Variants in NCEH1 observed in about 807,000 individuals in gnomAD.
NCEH1 encodes 2-acetyl MAGE hydrolase.
In NCEH1, 9 loss-of-function variants were observed where a neutral mutation model predicts 25.4. The observed-to-expected ratio is 0.35, with a 90% CI of 0.21 to 0.62. NCEH1 has a LOEUF of 0.62. Among genes scored for constraint, NCEH1 ranks in the 20% least tolerant of loss-of-function variants. The pLI, the probability that NCEH1 is intolerant of heterozygous loss-of-function variation, is 0.72. For missense variants in NCEH1, 412 were observed against 501.1 expected (o/e 0.82, Z 1.70); for synonymous variants, 200 against 199.8 (o/e 1.00, Z -0.01).
At chr3:172,693,318 AT>A (rs1713170173) in intron 1 of NCEH1, among the ~76,000 whole-genome samples, 1 of 152,234 alleles carries the variant, frequency 6.6e-6, no homozygotes, top group Admixed American at 6.5e-5. Flanking sequence ...TTCAACATCT[AT>A]AAAAAGACCC....
intron 1 of NCEH1, among the ~76,000 whole-genome samples, chr3:172,652,414 T>C (rs1243388719): frequency 6.6e-6 from 1 of 152,218 alleles, no homozygotes; most frequent in Non-Finnish European, 1.5e-5. Flanking sequence ...CAGGACAAAC[T>C]GTAAGGATCA....
intron 1 of NCEH1, chr3:172,681,265 A>C (rs1336766208): frequency 7.2e-5 from 11 of 152,128 alleles, no homozygotes; most frequent in Admixed American, 7.2e-4. Flanking sequence ...GAAGAAAACA[A>C]AGAACTAAAG....
intron 3 of NCEH1, among the ~76,000 whole-genome samples, chr3:172,641,480 G>A (rs749632410): frequency 5.9e-5 from 9 of 152,074 alleles, no homozygotes; most frequent in Non-Finnish European, 1.0e-4. Context: ...TGGAACCCCT[G>A]CCCACCAGCT....
chr3:172,630,980 AT>A lies in NCEH1; in HGVS notation c.*2494del, dbSNP rs1289567465. ...CAGACAATTTTACAAAAAGATTATCATTTTTTTCATAAAATAGGAAAAGAAA... is the reference window on the plus strand; with the variant it reads ...CAGACAATTTTACAAAAAGATTATCATTTTTTCATAAAATAGGAAAAGAAA... On this transcript the variant is annotated 3_prime_UTR_variant, in exon 5 of 5. Coordinates refer to ENST00000475381, the MANE Select transcript of NCEH1 (RefSeq NM_020792.6). 1 of 152,006 alleles carries A rather than the reference AT, an allele frequency of 6.6e-6. No homozygotes were observed. 9.4% of individuals were successfully genotyped at this position (152,006 alleles called of 1,614,324 possible). A position where few individuals can be genotyped will look rare whatever the true frequency, so the allele number is the denominator to read the frequency against.
intron 1 of NCEH1, among the ~76,000 whole-genome samples, chr3:172,705,052 C>T (rs935915393): frequency 5.3e-5 from 8 of 152,122 alleles, no homozygotes; most frequent in Non-Finnish European, 8.8e-5. Context: ...AAAAGAAATT[C>T]GATTTTTCTC....
At chr3:172,693,670 A>G (rs1713200223) in intron 1 of NCEH1, among the ~76,000 whole-genome samples, 1 of 152,224 alleles carries the variant, frequency 6.6e-6, no homozygotes, top group Non-Finnish European at 1.5e-5. Flanking sequence ...TGTAGACGTA[A>G]CCAATAATAC....
chr3:172,676,277 G>A (rs1711989659), intron 1 of NCEH1, among the ~76,000 whole-genome samples: 1 of 152,118 alleles, frequency 6.6e-6, no homozygotes, highest in African/African-American at 2.4e-5. Flanking sequence ...CCGCTTGAAG[G>A]GCCGGGCCAG....
intron 4 of NCEH1, among the ~76,000 whole-genome samples, chr3:172,635,214 T>C (rs234015): frequency 0.38 from 57,964 of 152,072 alleles, 11,017 homozygotes; most frequent in Non-Finnish European, 0.4. Context: ...ATCAAGTTCT[T>C]GAATTATAGC....
At chr3:172,697,905 CTAT>C (rs1389342599) in intron 1 of NCEH1, among the ~76,000 whole-genome samples, 1 of 150,422 alleles carries the variant, frequency 6.6e-6, no homozygotes, top group Non-Finnish European at 1.5e-5. Context: ...GCAAATGCAT[CTAT>C]TATTATGCAG....
Position 172,648,123 on chromosome 3 carries a change from C to T in NCEH1, c.139-9G>A, listed in dbSNP as rs767091713. ...TAGTGGATCAGGTTACTCTGCAGGG[C>T]GAGGGAGGAAATAAAGAGGGAGGGC... On this transcript the variant is annotated splice_polypyrimidine_tract_variant and intron_variant, in intron 1 of 4. Transcript: ENST00000475381. 17 of 1,613,464 alleles carry T rather than the reference C, an allele frequency of 1.1e-5. No homozygotes were observed. The highest frequency in any genetic ancestry group is 4.5e-5 in the East Asian group (2 of 44,878).
At chr3:172,658,108 T>C (rs1717786929) in intron 1 of NCEH1, among the ~76,000 whole-genome samples, 1 of 152,264 alleles carries the variant, frequency 6.6e-6, no homozygotes, top group South Asian at 2.1e-4. Flanking sequence ...TAAAACAGGT[T>C]GCAGTAAAGT....
chr3:172,650,811 CGAA>C (rs1348969909), intron 1 of NCEH1, among the ~76,000 whole-genome samples: 1 of 89,990 alleles, frequency 1.1e-5, no homozygotes, highest in African/African-American at 5.1e-5. Flanking sequence ...GACTCTGCCT[CGAA>C]AAAAAAAAAA....
chr3:172,689,251 CTTTTTTTTTTTT>C (rs34888694), intron 1 of NCEH1, among the ~76,000 whole-genome samples: 2 of 80,920 alleles, frequency 2.5e-5, no homozygotes, highest in Non-Finnish European at 4.5e-5. Flanking sequence ...CTTGGAGTAA[CTTTTTTTTTTTT>C]TTTTTTTTTT....
intron 1 of NCEH1, among the ~76,000 whole-genome samples, chr3:172,668,348 A>T (rs961173332): frequency 1.1e-3 from 90 of 78,972 alleles, no homozygotes; most frequent in Middle Eastern, 0.012. Context: ...AAAAGGAAGC[A>T]TTTTTTTTTT....
Position 172,633,180 on chromosome 3 carries a change from C to T in NCEH1, c.*295G>A, listed in dbSNP as rs1469191570. On this transcript the variant is annotated 3_prime_UTR_variant, in exon 5 of 5. Coordinates refer to ENST00000475381, the MANE Select transcript of NCEH1 (RefSeq NM_020792.6). ...ATGAAGGCAGGACCCAAAGTTATTT[C>T]CAGTTCCTAGTCCTGCTTTCTGTAG... 2 of 318,104 alleles carry T rather than the reference C, an allele frequency of 6.3e-6. No individual in the cohort carries two copies. The highest frequency in any genetic ancestry group is 4.3e-5 in the African/African-American group (2 of 46,316). The allele number at this position is 318,104 out of a possible 1,614,324, so 19.7% of individuals were successfully genotyped here.
At chr3:172,674,489 A>G (rs1289207038) in intron 1 of NCEH1, among the ~76,000 whole-genome samples, 1 of 151,080 alleles carries the variant, frequency 6.6e-6, no homozygotes, top group Non-Finnish European at 1.5e-5. Context: ...CATCTTACTC[A>G]GTCCCACCTT....
rs748372375 is a variant in NCEH1 at position 172,634,068 on chromosome 3, T to A, written c.634A>T (p.Asn212Tyr). Residue 212 changes from asparagine to tyrosine, a missense_variant, in exon 5 of 5, where the codon AAT becomes TAT. Transcript: ENST00000475381. ...ATTAAAGCTTGTAGTTTGAGCTTAT[T>A]TTTTAGGCTGGCATCTTGAGTAAAC... The part of the protein sequence containing the change: ...QQFTQDASLK[N>Y]KLKLQALIYP... 1 of 1,613,488 alleles carries A rather than the reference T, an allele frequency of 6.2e-7. No homozygotes were observed. Among genetic ancestry groups the A allele is most frequent in the South Asian group, 1.1e-5 (1 of 90,932 alleles).
intron 1 of NCEH1, among the ~76,000 whole-genome samples, chr3:172,650,886 T>C (rs540338531): frequency 3.4e-5 from 5 of 147,908 alleles, no homozygotes; most frequent in South Asian, 2.1e-4. Flanking sequence ...AAAGGGTAGG[T>C]AGATGAGTAG....
At chr3:172,653,746 T>TGTTGC (rs1173938257) in intron 1 of NCEH1, among the ~76,000 whole-genome samples, 14 of 75,328 alleles carry the variant, frequency 1.9e-4, no homozygotes, top group African/African-American at 7.7e-4. Flanking sequence ...TTTTTTTTGT[T>TGTTGC]TTTTTGTTTT....
Sources: allele counts gnomAD v4.1 joint callset (sites outside exome capture counted in the v4.1 genomes callset), GRCh38; gene constraint gnomAD v4.1.1; transcripts MANE v1.5; gene names NCBI Gene and HGNC (gene_info 2026-07-23, HGNC 2026-07-21).